Variants in RIMS2 observed in about 807,000 individuals in gnomAD.
RIMS2 encodes the protein regulating synaptic membrane exocytosis protein 2.
Under a neutral mutation model 174.4 loss-of-function variants are expected in RIMS2, and 59 were observed. The observed-to-expected ratio is 0.34, with a 90% CI of 0.27 to 0.42. The LOEUF (loss-of-function observed/expected upper bound fraction) is 0.42, where lower values mean the gene tolerates loss of function less well. Ranked by LOEUF, RIMS2 falls within the 10% of genes least tolerant of loss-of-function variation. The pLI is 1.00. For synonymous variants in RIMS2, 606 were observed against 572.5 expected (o/e 1.06, Z -0.84); for missense variants, 1,620 against 1,666.3 (o/e 0.97, Z 0.48).
In RIMS2 at chr8:104,108,756, A is replaced by G. The variant is rs115246478; in HGVS notation, c.3334+94141A>G. 7.4e-3 allele frequency among the ~76,000 whole-genome samples: 1,129 copies of G among 152,276 alleles called. 13 individuals carry two copies. The highest frequency in any genetic ancestry group is 0.026 in the African/African-American group (1,063 of 41,546). ...ATGAAAATATTTTGAGTAGATATAT[A>G]GTTGTCTGAAGACCACTATGTATTT... On this transcript the variant is annotated intron_variant, in intron 19 of 23. Coordinates refer to ENST00000504942, the Ensembl canonical transcript of RIMS2.
At chr8:104,232,813 GC>G (rs2099238001) in intron 19 of RIMS2, among the ~76,000 whole-genome samples, 1 of 152,154 alleles carries the variant, frequency 6.6e-6, no homozygotes, top group Non-Finnish European at 1.5e-5. Flanking sequence ...TACCCTAATT[GC>G]AAAGCAGGCT....
intron 1 of RIMS2, chr8:103,559,393 G>T: frequency 2.9e-6 from 1 of 348,484 alleles, no homozygotes; most frequent in Non-Finnish European, 5.5e-6. Flanking sequence ...CTGCTTCACG[G>T]TGGAGCATGC....
intron 2 of RIMS2, among the ~76,000 whole-genome samples, chr8:103,699,447 C>T (rs543871930): frequency 1.3e-5 from 2 of 152,268 alleles, no homozygotes; most frequent in African/African-American, 4.8e-5. Context: ...CCAGGCTGAT[C>T]TTGAGCTTCT....
Position 103,868,800 on chromosome 8 carries a change from C to G in RIMS2, c.699-16498C>G, listed in dbSNP as rs116649390. Among the ~76,000 whole-genome samples, 791 of 152,012 alleles carry G rather than the reference C, an allele frequency of 5.2e-3. 9 individuals carry two copies. Among genetic ancestry groups the G allele is most frequent in the African/African-American group, 0.018 (739 of 41,472 alleles). ...ATGAGGAACTTCTGACCATGTTTCC[C>G]TATATTTTGTTGAAGTGACGATCTA... On this transcript the variant is annotated intron_variant, in intron 3 of 23. Coordinates refer to ENST00000504942, the Ensembl canonical transcript of RIMS2.
At chr8:103,632,613 T>C (rs1462136740) in intron 1 of RIMS2, among the ~76,000 whole-genome samples, 1 of 147,202 alleles carries the variant, frequency 6.8e-6, no homozygotes, top group African/African-American at 2.5e-5. Flanking sequence ...TAGAGACAGG[T>C]TTTTACTATG....
chr8:103,744,205 C>T (rs370061879), intron 2 of RIMS2, among the ~76,000 whole-genome samples: 208 of 152,180 alleles, frequency 1.4e-3, no homozygotes, highest in African/African-American at 4.8e-3. Context: ...GCCACCACGC[C>T]TAGCTAATTT....
At chr8:103,712,647 T>A (rs1348655113) in intron 2 of RIMS2, among the ~76,000 whole-genome samples, 1 of 152,136 alleles carries the variant, frequency 6.6e-6, no homozygotes, top group Non-Finnish European at 1.5e-5. Context: ...TAGGAGACTA[T>A]ACAACAGTTT....
At chr8:103,679,637 A>G (rs1452611395) in intron 1 of RIMS2, among the ~76,000 whole-genome samples, 1 of 152,068 alleles carries the variant, frequency 6.6e-6, no homozygotes, top group Non-Finnish European at 1.5e-5. Context: ...GAAGTGAAAA[A>G]TATTTACTTT....
chr8:104,156,429 A>G (rs2098724636), intron 19 of RIMS2, among the ~76,000 whole-genome samples: 3 of 152,208 alleles, frequency 2.0e-5, no homozygotes, highest in African/African-American at 4.8e-5. Flanking sequence ...GTGCCCAGGA[A>G]AAAGAGCAAA....
At chr8:103,732,751 C>T (rs2097621465) in intron 2 of RIMS2, among the ~76,000 whole-genome samples, 2 of 152,170 alleles carry the variant, frequency 1.3e-5, no homozygotes, top group South Asian at 4.1e-4. Flanking sequence ...TACTACTTGG[C>T]TTCTGCTGAT....
At chr8:103,819,625 G>A (rs2098739277) in intron 3 of RIMS2, 3 of 1,609,328 alleles carry the variant, frequency 1.9e-6, no homozygotes, top group East Asian at 4.5e-5. Context: ...ACTGAACAAT[G>A]CAAGGTGAGT....
rs377729558 is a variant in RIMS2 at position 104,209,644 on chromosome 8, G to A, written c.3335-35272G>A. Among the ~76,000 whole-genome samples, 3 of 152,150 alleles carry A rather than the reference G, an allele frequency of 2.0e-5. No homozygotes were observed. In the South Asian group the frequency reaches 6.2e-4, roughly 32 times the overall value. ...CCCCTTGCTAGAATATGAGCTTTAGGGGGCAAGGATCTTTGTTTTGTATAC... is the reference window on the plus strand; with the variant it reads ...CCCCTTGCTAGAATATGAGCTTTAGAGGGCAAGGATCTTTGTTTTGTATAC... On this transcript the variant is annotated intron_variant, in intron 19 of 23. Transcript: ENST00000504942.
chr8:104,249,549 C>G lies in RIMS2; in HGVS notation c.3652C>G (p.Arg1218Gly), dbSNP rs1430406057. The stretch of plus-strand genomic sequence containing the variant: ...GCTGGAGGTAGAAATCATCCGGGCC[C>G]GTGGCCTTGTTGTAAAACCAGGTTC... The change falls in exon 22 of 24, where the codon CGT becomes GGT. Residue 1218 changes from arginine (R) to glycine (G), a missense_variant. Around this residue, in one of 2 missense-constraint regions of RIMS2, gnomAD observed 225 missense variants for 306.2 expected, o/e 0.73. Transcript: ENST00000504942. The G allele has an allele frequency of 2.5e-6, 4 of 1,612,180 alleles. No individual in the cohort carries two copies. The highest frequency in any genetic ancestry group is 3.4e-6 in the Non-Finnish European group (4 of 1,178,424).
chr8:104,013,497 C>T lies in RIMS2; in HGVS notation c.3100C>T (p.Arg1034Trp), dbSNP rs61743841. ...TCACAGATCCAGATCAACAGAACAA[C>T]GGCCTCTCCTTGAGCGGACCACCAC... is the stretch of plus-strand genomic sequence containing the variant. The change falls in exon 18 of 24, where the codon CGG becomes TGG. Residue 1034 changes from arginine (R) to tryptophan (W), a missense_variant. Physicochemically the swap from Arg to Trp is moderately radical, Grantham distance 101. Around this residue, in one of 2 missense-constraint regions of RIMS2, gnomAD observed 1,395 missense variants for 1,360.1 expected, o/e 1.03. Coordinates refer to ENST00000504942, the Ensembl canonical transcript of RIMS2. 1.4e-5 allele frequency: 22 copies of T among 1,613,736 alleles called. 1 individual carries two copies. The highest frequency in any genetic ancestry group is 3.3e-4 in the Middle Eastern group (2 of 6,080).
intron 16 of RIMS2, among the ~76,000 whole-genome samples, chr8:103,988,955 T>C (rs1177982596): frequency 6.6e-6 from 1 of 152,180 alleles, no homozygotes; most frequent in African/African-American, 2.4e-5. Flanking sequence ...ACATATTTTC[T>C]CCATACAAAT....
intron 1 of RIMS2, among the ~76,000 whole-genome samples, chr8:103,668,259 G>T (rs1011307441): frequency 6.6e-6 from 1 of 152,126 alleles, no homozygotes; most frequent in African/African-American, 2.4e-5. Context: ...TTTGCTTAAT[G>T]TTACTGTATT....
chr8:103,574,086 T>TC (rs1180030994), intron 1 of RIMS2, among the ~76,000 whole-genome samples: 2 of 150,188 alleles, frequency 1.3e-5, no homozygotes, highest in Admixed American at 1.3e-4. Flanking sequence ...TTTTTTTTTT[T>TC]CCTATCTAAA....
intron 13 of RIMS2, among the ~76,000 whole-genome samples, chr8:103,940,410 C>T (rs930036967): frequency 2.6e-5 from 4 of 152,148 alleles, no homozygotes; most frequent in Non-Finnish European, 5.9e-5. Flanking sequence ...TCAATTACCT[C>T]CCACTGGGTC....
At chr8:103,665,212 A>G (rs990450844) in intron 1 of RIMS2, among the ~76,000 whole-genome samples, 3 of 152,220 alleles carry the variant, frequency 2.0e-5, no homozygotes, top group Admixed American at 6.5e-5. Context: ...CCAACATGGC[A>G]CATGTATATC....
Sources: allele counts gnomAD v4.1 joint callset (sites outside exome capture counted in the v4.1 genomes callset), GRCh38; gene constraint gnomAD v4.1.1; regional missense constraint gnomAD v4.1.1; transcripts MANE v1.5; gene names NCBI Gene and HGNC (gene_info 2026-07-23, HGNC 2026-07-21).